DCTN2: variants seen among roughly 807,000 people sequenced by gnomAD.
The protein encoded by DCTN2 is dynactin subunit 2.
Under a neutral mutation model 55.4 loss-of-function variants are expected in DCTN2, and 18 were observed. The observed-to-expected ratio is 0.32, with a 90% CI of 0.22 to 0.48. The LOEUF is 0.48. DCTN2 is among the 20% of genes least tolerant of loss of function. The probability of loss-of-function intolerance (pLI) is 0.99; values close to 1 mark genes in which losing one functional copy is unlikely to be tolerated. For synonymous variants in DCTN2, 168 were observed against 185.2 expected, an observed-to-expected ratio of 0.91 and a Z score of 0.76; for missense variants, 390 against 491.0, an observed-to-expected ratio of 0.79 and a Z score of 1.94.
chr12:57,546,245 G>A (rs1472293982), intron 1 of DCTN2, 149 bp from the exon 2 acceptor site: 3 of 696,968 alleles, frequency 4.3e-6, no homozygotes, highest in African/African-American at 3.5e-5. Context: ...TGAGTCAACA[G>A]TATGTCAGTT....
intron 2 of DCTN2, among the ~76,000 whole-genome samples, chr12:57,536,498 C>A (rs1880243250): frequency 6.6e-6 from 1 of 152,164 alleles, no homozygotes; most frequent in Admixed American, 6.5e-5. Flanking sequence ...TTAGAAGCAA[C>A]AAACATAGGC....
intron 2 of DCTN2, chr12:57,544,083 G>A (rs1880932718): frequency 2.3e-6 from 1 of 440,958 alleles, no homozygotes; most frequent in African/African-American, 2.0e-5. Context: ...AGCGACAAAA[G>A]GACTGAGTTC....
At chr12:57,535,923 A>C in intron 2 of DCTN2, 78 bp from the exon 3 acceptor site, 1 of 1,131,326 alleles carries the variant, frequency 8.8e-7, no homozygotes, top group Non-Finnish European at 1.3e-6. Flanking sequence ...AAATCCCCAA[A>C]CCATTAGGTG....
intron 2 of DCTN2, 63 bp downstream of exon 2, chr12:57,545,965 A>AAGGACCTGTCTAGGGGAGAAAGGTC: frequency 1.3e-6 from 2 of 1,532,786 alleles, no homozygotes; most frequent in Non-Finnish European, 1.8e-6. Flanking sequence ...CGAGAAAGGG[A>AAGGACCTGTCTAGGGGAGAAAGGTC]AGGACCTGTC....
At chr12:57,533,086 A>G in intron 8 of DCTN2, 64 bp from the exon 9 acceptor site, 2 of 1,564,060 alleles carry the variant, frequency 1.3e-6, no homozygotes, top group South Asian at 1.2e-5. Context: ...GTCTTCTCCC[A>G]TCTTTCCTGG....
At chr12:57,534,521 C>A in intron 5 of DCTN2, 69 bp from the exon 6 acceptor site, 1 of 1,516,718 alleles carries the variant, frequency 6.6e-7, no homozygotes, top group South Asian at 1.3e-5. Context: ...ATAGGTCAAG[C>A]CCTTTAAAGG....
intron 2 of DCTN2, among the ~76,000 whole-genome samples, chr12:57,539,761 T>C (rs1880540063): frequency 6.6e-6 from 1 of 152,180 alleles, no homozygotes; most frequent in African/African-American, 2.4e-5. Flanking sequence ...GCACGGTGTC[T>C]CACATCTGTA....
At chr12:57,530,851 T>G in intron 13 of DCTN2, 76 bp from the exon 14 acceptor site, 2 of 1,258,904 alleles carry the variant, frequency 1.6e-6, no homozygotes, top group Non-Finnish European at 2.3e-6. Context: ...AGGAATTCTC[T>G]GAGAGAGAAG....
chr12:57,542,616 G>A (rs1269061667), intron 2 of DCTN2, among the ~76,000 whole-genome samples: 3 of 152,090 alleles, frequency 2.0e-5, no homozygotes, highest in African/African-American at 7.2e-5. Flanking sequence ...CCAGGAGTTC[G>A]AGACCAACCT....
intron 2 of DCTN2, chr12:57,538,195 G>A (rs1880399930): frequency 2.3e-6 from 1 of 441,688 alleles, no homozygotes; most frequent in South Asian, 2.0e-5. Context: ...GACAGTCACA[G>A]GGACAGAGAG....
intron 2 of DCTN2, among the ~76,000 whole-genome samples, chr12:57,544,313 T>C (rs1827845900): frequency 6.6e-6 from 1 of 152,228 alleles, no homozygotes; most frequent in African/African-American, 2.4e-5. Context: ...CTGTATACTT[T>C]GAATCATCTC....
chr12:57,542,269 T>C (rs1218821835), intron 2 of DCTN2, among the ~76,000 whole-genome samples: 2 of 150,486 alleles, frequency 1.3e-5, no homozygotes, highest in African/African-American at 4.9e-5. Context: ...AGAGTGAAAC[T>C]CCATCTTGAA....
intron 2 of DCTN2, chr12:57,544,229 T>A (rs1445079830): frequency 2.6e-6 from 1 of 386,644 alleles, no homozygotes; most frequent in Non-Finnish European, 5.1e-6. Context: ...CCTCCCTTGA[T>A]ACCAAAATCT....
intron 11 of DCTN2, 101 bp downstream of exon 11, chr12:57,532,471 G>A: frequency 7.2e-7 from 1 of 1,395,426 alleles, no homozygotes; most frequent in South Asian, 1.2e-5. Flanking sequence ...AAGAGCTTAT[G>A]AAGATGGGGA....
chr12:57,546,597 C>T (rs954982075), intron 1 of DCTN2, among the ~76,000 whole-genome samples: 1 of 151,926 alleles, frequency 6.6e-6, no homozygotes, highest in Non-Finnish European at 1.5e-5. Flanking sequence ...GATAGAGCTC[C>T]CCATCTGGCA....
At chr12:57,539,865 A>G (rs1195466684) in intron 2 of DCTN2, among the ~76,000 whole-genome samples, 2 of 152,104 alleles carry the variant, frequency 1.3e-5, no homozygotes, top group African/African-American at 4.8e-5. Context: ...CATCTCTACT[A>G]AAAATACAAA....
rs1879756807 is a variant in DCTN2, at chr12:57,531,938, G to A, written c.1119+77C>T. 16 of 1,546,666 alleles carry A rather than the reference G, an allele frequency of 1.0e-5. No homozygotes were observed. In the Middle Eastern group the frequency reaches 1.0e-3, roughly 98 times the overall value. The stretch of plus-strand genomic sequence containing the variant: ...ACACCATGCTACAAAATAGGCTAAG[G>A]CAGAACCCTATAACACTGGAGAACC... On this transcript the variant is annotated intron_variant, in intron 13 of 13. Coordinates refer to ENST00000548249, the MANE Select transcript of DCTN2 (RefSeq NM_001261413.2).
chr12:57,545,816 G>A (rs909843098), intron 2 of DCTN2, among the ~76,000 whole-genome samples: 5 of 152,030 alleles, frequency 3.3e-5, no homozygotes, highest in Non-Finnish European at 5.9e-5. Flanking sequence ...GATGTTGTTA[G>A]CTGTAATTCC....
rs774358145 is a variant in DCTN2 at position 57,532,974 on chromosome 12, C to A, written c.774+10G>T. The A allele has an allele frequency of 3.7e-6, 6 of 1,601,524 alleles. No individual in the cohort carries two copies. Among genetic ancestry groups the A allele is most frequent in the Middle Eastern group, 3.3e-4 (2 of 5,996 alleles). ...TGTGATCCAAACACTCCAGTTTCTT[C>A]CAAACTCACCATGAGACAGGCTCCC... On this transcript the variant is annotated intron_variant, in intron 9 of 13. Transcript: ENST00000548249.
Sources: gnomAD v4.1 joint callset for allele counts (sites outside exome capture counted in the v4.1 genomes callset) on GRCh38, gnomAD v4.1.1 for gene constraint, MANE v1.5 for transcripts, NCBI Gene and HGNC (gene_info 2026-07-23, HGNC 2026-07-21) for gene names.